Variants in CREB5 observed in about 807,000 individuals in gnomAD.
CREB5 encodes cyclic AMP-responsive element-binding protein 5.
CREB5 carries 19 observed loss-of-function variants against 57.1 expected under a neutral mutation model. The observed-to-expected ratio is 0.33, with a 90% confidence interval of 0.23 to 0.49. The LOEUF (loss-of-function observed/expected upper bound fraction) is 0.49, where lower values mean the gene tolerates loss of function less well. Ranked by LOEUF, CREB5 falls within the 20% of genes least tolerant of loss-of-function variation. The probability of loss-of-function intolerance (pLI) is 0.99; values close to 1 mark genes in which losing one functional copy is unlikely to be tolerated. For missense variants in CREB5, 579 were observed against 671.6 expected, an observed-to-expected ratio of 0.86 and a Z score of 1.52; for synonymous variants, 238 against 238.3, an observed-to-expected ratio of 1.00 and a Z score of 0.01.
intron 5 of CREB5, among the ~76,000 whole-genome samples, chr7:28,575,934 T>C (rs145970142): frequency 2.4e-4 from 36 of 152,314 alleles, no homozygotes; most frequent in Non-Finnish European, 4.6e-4. Flanking sequence ...AAAGTACTGA[T>C]ACTTGAGGAA....
chr7:28,782,681 A>C (rs1008150927), intron 7 of CREB5, among the ~76,000 whole-genome samples: 1 of 152,204 alleles, frequency 6.6e-6, no homozygotes, highest in Non-Finnish European at 1.5e-5. Flanking sequence ...CGTGTTGGAA[A>C]TATCATCAAA....
chr7:28,371,944 C>T (rs977127282), intron 1 of CREB5, among the ~76,000 whole-genome samples: 2 of 152,022 alleles, frequency 1.3e-5, no homozygotes, highest in Non-Finnish European at 2.9e-5. Flanking sequence ...TTTGAATGGC[C>T]CAGGACTTAG....
intron 5 of CREB5, among the ~76,000 whole-genome samples, chr7:28,665,700 G>T (rs748707105): frequency 6.6e-6 from 1 of 152,172 alleles, no homozygotes; most frequent in Non-Finnish European, 1.5e-5. Flanking sequence ...AATAGTGGTT[G>T]AGAGAATAGA....
chr7:28,315,347 G>A (rs1583665513), intron 1 of CREB5, among the ~76,000 whole-genome samples: 3 of 152,048 alleles, frequency 2.0e-5, no homozygotes, highest in Non-Finnish European at 4.4e-5. Flanking sequence ...TTATTTTTTC[G>A]GAAAAAGTCA....
intron 7 of CREB5, among the ~76,000 whole-genome samples, chr7:28,733,141 T>C (rs1252532872): frequency 1.3e-5 from 2 of 152,126 alleles, no homozygotes; most frequent in Non-Finnish European, 2.9e-5. Context: ...ACTGTGGCCT[T>C]GTATTCCAGA....
chr7:28,472,871 G>T (rs1583505736), intron 1 of CREB5, among the ~76,000 whole-genome samples: 1 of 152,168 alleles, frequency 6.6e-6, no homozygotes, highest in South Asian at 2.1e-4. Context: ...CTTACCTGGG[G>T]CCTCTCTCTT....
rs373016737 is a variant in CREB5 at position 28,412,888 on chromosome 7, C to T, written c.-27C>T. 5 of 1,489,440 alleles carry T rather than the reference C, an allele frequency of 3.4e-6. No individual in the cohort carries two copies. The highest frequency in any genetic ancestry group is 3.6e-6 in the Non-Finnish European group (4 of 1,117,040). 92.3% of individuals were successfully genotyped at this position (1,489,440 alleles called of 1,614,324 possible). A position where few individuals can be genotyped will look rare whatever the true frequency, so the allele number is the denominator to read the frequency against. On this transcript the variant is annotated 5_prime_UTR_variant, in exon 1 of 11. Coordinates refer to ENST00000357727, the MANE Select transcript of CREB5 (RefSeq NM_182898.4). ...TTGATTTGGTGACTGCAGGAAGCAA[C>T]ACGTTGCTGCTTTTATTCTACAGAT...
At chr7:28,737,578 TATATATA>T (rs1562606865) in intron 7 of CREB5, among the ~76,000 whole-genome samples, 16 of 33,208 alleles carry the variant, frequency 4.8e-4, no homozygotes, top group African/African-American at 1.3e-3. Flanking sequence ...TATATATATA[TATATATA>T]TATTTTTAAC....
At chr7:28,475,541 A>C (rs1173037700) in intron 1 of CREB5, among the ~76,000 whole-genome samples, 1 of 152,156 alleles carries the variant, frequency 6.6e-6, no homozygotes, top group Non-Finnish European at 1.5e-5. Flanking sequence ...GTAGTGTACT[A>C]AGGAAAATGT....
Position 28,412,799 on chromosome 7 carries a change from G to A in CREB5, c.-116G>A. 1.0e-6 allele frequency: 1 copy of A among 957,784 alleles called. No homozygotes were observed. The highest frequency in any genetic ancestry group is 2.6e-5 in the East Asian group (1 of 38,324). 59.3% of individuals were successfully genotyped at this position (957,784 alleles called of 1,614,324 possible). ...CTGAAATACTGAGGCAAATACTCAA[G>A]ACTTATTTTCTTCCTAATCTTGCTG... On this transcript the variant is annotated 5_prime_UTR_variant, in exon 1 of 11. Coordinates refer to ENST00000357727, the MANE Select transcript of CREB5 (RefSeq NM_182898.4).
upstream of CREB5, among the ~76,000 whole-genome samples, chr7:28,411,882 T>C (rs1787819205): frequency 6.6e-6 from 1 of 152,150 alleles, no homozygotes; most frequent in Admixed American, 6.5e-5. Context: ...AGAGATGAAA[T>C]AGTGTAACCT....
intron 7 of CREB5, chr7:28,749,677 T>G (rs1418703568): frequency 1.3e-5 from 2 of 152,210 alleles, no homozygotes; most frequent in African/African-American, 4.8e-5. Context: ...CATCTGCATT[T>G]TATAGGTCTC....
rs150715816 is a variant in CREB5 at position 28,763,941 on chromosome 7, A to G, written c.702+39609A>G. On this transcript the variant is annotated intron_variant, in intron 7 of 10. Transcript: ENST00000357727. ...CAGCCTCTCAAGTAGCTAGGACTAC[A>G]GGTGTGCACCACCATGCCCAGCTAA... Among the ~76,000 whole-genome samples the G allele has an allele frequency of 1.5e-3, 232 of 152,160 alleles. 3 individuals are homozygous for G. Among genetic ancestry groups the G allele is most frequent in the East Asian group, 2.3e-3 (12 of 5,170 alleles).
chr7:28,725,798 C>T (rs1483190465), intron 7 of CREB5, among the ~76,000 whole-genome samples: 1 of 152,124 alleles, frequency 6.6e-6, no homozygotes, highest in Non-Finnish European at 1.5e-5. Context: ...CTGTGGTTTA[C>T]TTTGGAATCT....
intron 1 of CREB5, among the ~76,000 whole-genome samples, chr7:28,306,546 G>GTTTTGTTTTTTTT (rs1785187018): frequency 1.1e-5 from 1 of 93,516 alleles, no homozygotes; most frequent in African/African-American, 5.0e-5. Flanking sequence ...ATACAGTTTT[G>GTTTTGTTTTTTTT]TTTTTTTTGT....
At chr7:28,671,990 C>T (rs1351562914) in intron 5 of CREB5, among the ~76,000 whole-genome samples, 1 of 152,092 alleles carries the variant, frequency 6.6e-6, no homozygotes, top group Non-Finnish European at 1.5e-5. Context: ...CAACCATGCA[C>T]TTAATGCCTG....
chr7:28,588,342 G>A (rs1452858722), intron 5 of CREB5, among the ~76,000 whole-genome samples: 1 of 152,126 alleles, frequency 6.6e-6, no homozygotes, highest in Non-Finnish European at 1.5e-5. Context: ...CATGGGGTTT[G>A]TTTCCACATA....
chr7:28,312,511 G>T (rs28463796), intron 1 of CREB5, among the ~76,000 whole-genome samples: 6 of 152,146 alleles, frequency 3.9e-5, no homozygotes, highest in Non-Finnish European at 5.9e-5. Context: ...GTGTACAAAG[G>T]GGGAGGGAAG....
At chr7:28,477,849 T>A (rs775756989) in intron 1 of CREB5, among the ~76,000 whole-genome samples, 15 of 152,184 alleles carry the variant, frequency 9.9e-5, no homozygotes, top group Non-Finnish European at 2.1e-4. Flanking sequence ...GCATGGTGGC[T>A]CACACCTATA....
Sources: gnomAD v4.1 joint callset for allele counts (sites outside exome capture counted in the v4.1 genomes callset) on GRCh38, gnomAD v4.1.1 for gene constraint, MANE v1.5 for transcripts, NCBI Gene and HGNC (gene_info 2026-07-23, HGNC 2026-07-21) for gene names.